The following USP6NL variants were observed in gnomAD, a reference collection of about 807,000 sequenced individuals.
The protein encoded by USP6NL is USP6 N-terminal-like protein.
USP6NL carries 26 observed loss-of-function variants against 61.9 expected under a neutral mutation model. The observed-to-expected ratio is 0.42, with a 90% CI of 0.31 to 0.58. USP6NL has a LOEUF of 0.58. USP6NL is among the 20% of genes least tolerant of loss of function. USP6NL has a pLI of 0.16. For synonymous variants in USP6NL, 432 were observed against 390.1 expected, an observed-to-expected ratio of 1.11 and a Z score of -1.27; for missense variants, 1,114 against 1,034.3, an observed-to-expected ratio of 1.08 and a Z score of -1.06.
Position 11,504,849 on chromosome 10 carries a change from G to A in USP6NL, c.277-3641C>T, listed in dbSNP as rs188721058. ...CTAACAGTGCTGAGCACCATGCCCT[G>A]ACAGGGGAGGTGCTGGTAGAGACAG... On this transcript the variant is annotated intron_variant, in intron 6 of 14. Coordinates refer to ENST00000609104, the MANE Select transcript of USP6NL (RefSeq NM_014688.5). Among the ~76,000 whole-genome samples, 4 of 152,316 alleles carry A rather than the reference G, an allele frequency of 2.6e-5. No homozygotes were observed. In the East Asian group the frequency reaches 7.7e-4, roughly 29 times the overall value.
rs535664508 is a variant in USP6NL at position 11,543,422 on chromosome 10, C to G, written c.5-15855G>C. ...CCAGGCATGGTGGCAGGCGCCTGTA[C>G]TCCCAGCTACTTGGGAGGCTGAAGC... On this transcript the variant is annotated intron_variant, in intron 2 of 14. Coordinates refer to ENST00000609104, the MANE Select transcript of USP6NL (RefSeq NM_014688.5). 2.0e-4 allele frequency among the ~76,000 whole-genome samples: 31 copies of G among 152,102 alleles called. No homozygotes were observed. The South Asian group carries it at 6.4e-3, about 32-fold the overall frequency.
At chr10:11,607,661 G>C (rs1315314976) in intron 1 of USP6NL, among the ~76,000 whole-genome samples, 2 of 152,068 alleles carry the variant, frequency 1.3e-5, no homozygotes, top group Non-Finnish European at 2.9e-5. Flanking sequence ...AGTCCAACCT[G>C]GGTGACAGGG....
rs905174919 is a variant in USP6NL, at chr10:11,495,492, C to T, written c.385-2264G>A. Among the ~76,000 whole-genome samples, 1 of 152,088 alleles carries T rather than the reference C, an allele frequency of 6.6e-6. No homozygotes were observed. Among genetic ancestry groups the T allele is most frequent in the Non-Finnish European group, 1.5e-5 (1 of 68,016 alleles). On this transcript the variant is annotated intron_variant, in intron 7 of 14. Transcript: ENST00000609104. This position sits in a 1 kb window ranked among gnomAD's most constrained non-coding sequence, Gnocchi z 4.6. ...TCTTATTATTACAGTCTGGGAACTC[C>T]TAGGCTATCATCTAATTTTCTTGTA...
chr10:11,541,587 G>C (rs1349637504), intron 2 of USP6NL, among the ~76,000 whole-genome samples: 1 of 152,018 alleles, frequency 6.6e-6, no homozygotes, highest in East Asian at 1.9e-4. Flanking sequence ...CTGTCAACAA[G>C]GATCCTCTAG....
chr10:11,470,320 G>C lies in USP6NL; in HGVS notation c.1079-6471C>G, dbSNP rs183785800. Among the ~76,000 whole-genome samples, 1 of 152,290 alleles carries C rather than the reference G, an allele frequency of 6.6e-6. No homozygotes were observed. Among genetic ancestry groups the C allele is most frequent in the Admixed American group, 6.5e-5 (1 of 15,308 alleles). ...TTTTCACAGCCTCTGTAGGGACAGA[G>C]GCCTCGGCTCCACCAGCAATACGGA... On this transcript the variant is annotated intron_variant, in intron 14 of 14. Transcript: ENST00000609104. The surrounding 1 kb of genome is among the most constrained non-coding windows in gnomAD (Gnocchi z 5.4).
chr10:11,475,596 CAAAAAAAAAA>C (rs35589300), intron 14 of USP6NL, among the ~76,000 whole-genome samples: 7 of 38,708 alleles, frequency 1.8e-4, no homozygotes, highest in South Asian at 1.2e-3. Context: ...AACTCTGTCG[CAAAAAAAAAA>C]AAAAAAAAAA....
At position 11,515,390 on chromosome 10, in the gene USP6NL, A is replaced by C. The variant is rs61844564; in HGVS notation, c.195+3145T>G. Among the ~76,000 whole-genome samples the C allele has an allele frequency of 3.2e-3, 494 of 152,334 alleles. 3 individuals are homozygous for C. The highest frequency in any genetic ancestry group is 5.2e-3 in the Non-Finnish European group (351 of 68,034). On this transcript the variant is annotated intron_variant, in intron 5 of 14. Coordinates refer to ENST00000609104, the MANE Select transcript of USP6NL (RefSeq NM_014688.5). ...CAGATGCTTTAATGGCTCTATTTGA[A>C]CATTACTGCGTATTGTGATATAATG...
chr10:11,566,514 A>G (rs1212723082), intron 2 of USP6NL, among the ~76,000 whole-genome samples: 1 of 152,222 alleles, frequency 6.6e-6, no homozygotes, highest in Non-Finnish European at 1.5e-5. Flanking sequence ...CCAATTTTAC[A>G]TATGAGGAAA....
intron 2 of USP6NL, among the ~76,000 whole-genome samples, chr10:11,572,858 A>G (rs79573166): frequency 6.6e-6 from 1 of 152,122 alleles, no homozygotes. Flanking sequence ...TTGAAAATCA[A>G]TTCCTAATTA....
rs148127252 is a variant in USP6NL at position 11,465,580 on chromosome 10, G to A, written c.1079-1731C>T. 6.6e-6 allele frequency among the ~76,000 whole-genome samples: 1 copy of A among 152,124 alleles called. No homozygotes were observed. The highest frequency in any genetic ancestry group is 1.5e-5 in the Non-Finnish European group (1 of 68,042). On this transcript the variant is annotated intron_variant, in intron 14 of 14. Coordinates refer to ENST00000609104, the MANE Select transcript of USP6NL (RefSeq NM_014688.5). The surrounding 1 kb of genome is among the most constrained non-coding windows in gnomAD (Gnocchi z 4.5). The stretch of plus-strand genomic sequence containing the variant: ...AACAAACAAAACCAAAAAAGGAATA[G>A]ATTTCCAGCTGGTCTGCTGCTGCTG...
Position 11,481,698 on chromosome 10 carries a change from G to T in USP6NL, c.1078+72C>A. 6.8e-7 allele frequency: 1 copy of T among 1,467,890 alleles called. No homozygotes were observed. Among genetic ancestry groups the T allele is most frequent in the Non-Finnish European group, 9.1e-7 (1 of 1,098,480 alleles). 90.9% of individuals were successfully genotyped at this position (1,467,890 alleles called of 1,614,324 possible). A position where few individuals can be genotyped will look rare whatever the true frequency, so the allele number is the denominator to read the frequency against. ...ATGCTTACGCTGTGGGCAAGAAACA[G>T]CCCATGTTAATTATGCCATGTCTTC... On this transcript the variant is annotated intron_variant, in intron 14 of 14. Coordinates refer to ENST00000609104, the MANE Select transcript of USP6NL (RefSeq NM_014688.5). This position sits in a 1 kb window ranked among gnomAD's most constrained non-coding sequence, Gnocchi z 4.4.
In USP6NL at chr10:11,597,518, C is replaced by G. The variant is rs1383668305; in HGVS notation, c.4+113G>C. 1.7e-6 allele frequency: 2 copies of G among 1,147,832 alleles called. No individual in the cohort carries two copies. The highest frequency in any genetic ancestry group is 3.1e-5 in the African/African-American group (2 of 65,034). The allele number at this position is 1,147,832 out of a possible 1,614,324, so 71.1% of individuals were successfully genotyped here. On this transcript the variant is annotated intron_variant, in intron 2 of 14. Transcript: ENST00000609104. This position sits in a 1 kb window ranked among gnomAD's most constrained non-coding sequence, Gnocchi z 4.6. ...AGTGCTGGGTGGAACCACATTCAAA[C>G]TCTGAATAAGTGACATAATTCCAAT...
rs1838377630 is a variant in USP6NL, at chr10:11,597,727, A to C, written c.-83-10T>G. ...CAGAGGAATACATGTCCTAGTCAGG[A>C]AACAAAGAGAAAGAAATAGTATTTT... is the stretch of plus-strand genomic sequence containing the variant. On this transcript the variant is annotated splice_polypyrimidine_tract_variant and intron_variant, in intron 1 of 14. Coordinates refer to ENST00000609104, the MANE Select transcript of USP6NL (RefSeq NM_014688.5). The surrounding 1 kb of genome is among the most constrained non-coding windows in gnomAD (Gnocchi z 4.6). The C allele has an allele frequency of 1.1e-6, 1 of 948,076 alleles. No individual in the cohort carries two copies. Among genetic ancestry groups the C allele is most frequent in the South Asian group, 1.5e-5 (1 of 67,198 alleles). 58.7% of individuals were successfully genotyped at this position (948,076 alleles called of 1,614,324 possible).
chr10:11,534,165 T>C (rs559404742), intron 2 of USP6NL, among the ~76,000 whole-genome samples: 64 of 152,308 alleles, frequency 4.2e-4, no homozygotes, highest in Non-Finnish European at 8.4e-4. Context: ...AGAATCCCCC[T>C]ACACTTGATG....
intron 2 of USP6NL, among the ~76,000 whole-genome samples, chr10:11,536,834 T>C (rs1437068541): frequency 6.6e-6 from 1 of 152,206 alleles, no homozygotes; most frequent in Admixed American, 6.5e-5. Flanking sequence ...TCCATCTTGC[T>C]CCCCCTATTA....
chr10:11,595,215 T>C lies in USP6NL; in HGVS notation c.4+2416A>G, dbSNP rs144126299. ...GGCACAGCTATGCCCCAAACATCTC[T>C]GTAGATCAGACATCTAACAGGAACA... On this transcript the variant is annotated intron_variant, in intron 2 of 14. Coordinates refer to ENST00000609104, the MANE Select transcript of USP6NL (RefSeq NM_014688.5). The surrounding 1 kb of genome is among the most constrained non-coding windows in gnomAD (Gnocchi z 5.3). 4.2e-3 allele frequency among the ~76,000 whole-genome samples: 642 copies of C among 152,272 alleles called. 1 individual carries two copies. Among genetic ancestry groups the C allele is most frequent in the Non-Finnish European group, 7.8e-3 (528 of 68,010 alleles).
intron 13 of USP6NL, among the ~76,000 whole-genome samples, chr10:11,483,323 A>G (rs560336362): frequency 6.6e-6 from 1 of 151,788 alleles, no homozygotes; most frequent in South Asian, 2.1e-4. Flanking sequence ...GTCAAAATTA[A>G]TCAAGGGTCA....
At chr10:11,557,530 G>A (rs1318922971) in intron 2 of USP6NL, among the ~76,000 whole-genome samples, 1 of 152,188 alleles carries the variant, frequency 6.6e-6, no homozygotes, top group Non-Finnish European at 1.5e-5. Context: ...TTTTAAATTG[G>A]ATTATCTCTA....
intron 2 of USP6NL, among the ~76,000 whole-genome samples, chr10:11,543,670 T>C (rs1171960588): frequency 2.6e-5 from 4 of 152,122 alleles, no homozygotes; most frequent in Non-Finnish European, 5.9e-5. Flanking sequence ...CCAGAGAAAC[T>C]TGCACAATCA....
Sources: allele counts gnomAD v4.1 joint callset (sites outside exome capture counted in the v4.1 genomes callset), GRCh38; gene constraint gnomAD v4.1.1; non-coding constraint Gnocchi (gnomAD v3.1); transcripts MANE v1.5; gene names NCBI Gene and HGNC (gene_info 2026-07-23, HGNC 2026-07-21).